Variants in PCDH15 observed in about 807,000 individuals in gnomAD.
The protein encoded by PCDH15 is protocadherin-15.
A neutral mutation model predicts 178.5 loss-of-function variants in PCDH15; 129 were observed. The ratio of observed to expected loss-of-function variants is 0.72; its 90% CI spans 0.63 to 0.84. The LOEUF is 0.84. Ranked by LOEUF, PCDH15 falls within the 40% of genes least tolerant of loss-of-function variation. PCDH15 has a pLI of 0.00. For synonymous variants in PCDH15, 800 were observed against 732.0 expected, an observed-to-expected ratio of 1.09 and a Z score of -1.50; for missense variants, 2,230 against 2,099.9, an observed-to-expected ratio of 1.06 and a Z score of -1.21.
intron 2 of PCDH15, among the ~76,000 whole-genome samples, chr10:55,389,311 A>T (rs867268352): frequency 2.0e-5 from 3 of 152,000 alleles, no homozygotes; most frequent in Non-Finnish European, 4.4e-5. Flanking sequence ...ACTCTGTTAG[A>T]CAAGCCAGTG....
chr10:53,881,105 TA>T (rs1460419465), intron 26 of PCDH15, among the ~76,000 whole-genome samples: 6 of 152,226 alleles, frequency 3.9e-5, no homozygotes, highest in Admixed American at 3.3e-4. Flanking sequence ...AGTACCAACT[TA>T]CAAGTTTGCT....
chr10:55,586,065 C>T (rs1328973057), intron 2 of PCDH15, among the ~76,000 whole-genome samples: 2 of 151,982 alleles, frequency 1.3e-5, no homozygotes, highest in Non-Finnish European at 2.9e-5. Context: ...TAGTAATACT[C>T]AAATTTGACA....
chr10:54,609,875 T>C, intron 2 of PCDH15, among the ~76,000 whole-genome samples: 1 of 152,062 alleles, frequency 6.6e-6, no homozygotes, highest in East Asian at 1.9e-4. Flanking sequence ...ATACATTAGA[T>C]AGCTAAATAT....
At chr10:55,380,969 T>C (rs1346312153) in intron 2 of PCDH15, among the ~76,000 whole-genome samples, 2 of 152,136 alleles carry the variant, frequency 1.3e-5, no homozygotes, top group Non-Finnish European at 2.9e-5. Flanking sequence ...AAGAGCCTCT[T>C]TGGGATAAGG....
intron 21 of PCDH15, among the ~76,000 whole-genome samples, chr10:53,964,057 G>T (rs934302056): frequency 6.6e-6 from 1 of 152,068 alleles, no homozygotes; most frequent in East Asian, 1.9e-4. Flanking sequence ...CTGCCTCCTT[G>T]GCTTTGCCAA....
At chr10:54,438,138 C>T (rs2075546126) in intron 3 of PCDH15, among the ~76,000 whole-genome samples, 3 of 152,012 alleles carry the variant, frequency 2.0e-5, no homozygotes, top group Non-Finnish European at 4.4e-5. Context: ...TCACCTAGCT[C>T]AGAATTGATA....
chr10:55,071,922 T>G (rs557313580), intron 2 of PCDH15, among the ~76,000 whole-genome samples: 6 of 152,146 alleles, frequency 3.9e-5, no homozygotes, highest in African/African-American at 1.4e-4. Flanking sequence ...GCAATCAAAC[T>G]AGAACTCAGG....
chr10:54,570,887 T>C (rs1432703677), intron 2 of PCDH15, among the ~76,000 whole-genome samples: 1 of 151,314 alleles, frequency 6.6e-6, no homozygotes, highest in Non-Finnish European at 1.5e-5. Context: ...AGGCTGGTCT[T>C]GAGCTCCTGG....
chr10:54,264,188 G>T (rs564044512), intron 8 of PCDH15, among the ~76,000 whole-genome samples: 13 of 152,226 alleles, frequency 8.5e-5, no homozygotes, highest in African/African-American at 3.1e-4. Flanking sequence ...GTGTGAGTCA[G>T]TGATCCTTAA....
At chr10:55,351,803 T>C (rs1334547541) in intron 2 of PCDH15, among the ~76,000 whole-genome samples, 1 of 152,180 alleles carries the variant, frequency 6.6e-6, no homozygotes, top group East Asian at 1.9e-4. Context: ...TGCTTTCATA[T>C]GTAATTTAAT....
chr10:54,542,687 T>G (rs920033763), intron 2 of PCDH15, among the ~76,000 whole-genome samples: 1 of 152,130 alleles, frequency 6.6e-6, no homozygotes, highest in Non-Finnish European at 1.5e-5. Context: ...CAAATGAACC[T>G]ATGTTCTTTT....
chr10:53,918,645 TCAAA>T (rs1322107324), intron 25 of PCDH15, among the ~76,000 whole-genome samples: 2 of 152,036 alleles, frequency 1.3e-5, no homozygotes, highest in African/African-American at 4.8e-5. Context: ...AAAATGCCTT[TCAAA>T]CAATGTGCTA....
chr10:55,309,085 T>C (rs1843508539), intron 1 of PCDH15, among the ~76,000 whole-genome samples: 1 of 152,218 alleles, frequency 6.6e-6, no homozygotes, highest in East Asian at 1.9e-4. Flanking sequence ...CTCAGACATA[T>C]TTCACCTTTC....
At chr10:54,045,635 T>C (rs2093639817) in intron 18 of PCDH15, among the ~76,000 whole-genome samples, 1 of 151,992 alleles carries the variant, frequency 6.6e-6, no homozygotes, top group Non-Finnish European at 1.5e-5. Flanking sequence ...TGCGAGTCAG[T>C]GGGAAATATA....
intron 1 of PCDH15, among the ~76,000 whole-genome samples, chr10:54,766,422 G>A (rs1165355896): frequency 2.0e-5 from 3 of 151,638 alleles, no homozygotes; most frequent in East Asian, 1.9e-4. Flanking sequence ...TTATATCAAC[G>A]CTTAATTACC....
At chr10:55,538,969 TTCC>T (rs1564442902) in intron 2 of PCDH15, among the ~76,000 whole-genome samples, 2,428 of 7,300 alleles carry the variant, frequency 0.33, 664 homozygotes, top group South Asian at 0.52. Flanking sequence ...CCTTCCTTCC[TTCC>T]TCCTTTCCTT....
intron 2 of PCDH15, among the ~76,000 whole-genome samples, chr10:55,020,915 CTATCT>C (rs1840311595): frequency 6.6e-6 from 1 of 152,170 alleles, no homozygotes; most frequent in Admixed American, 6.5e-5. Flanking sequence ...GCCCTATTAT[CTATCT>C]TATCTTACGC....
intron 2 of PCDH15, among the ~76,000 whole-genome samples, chr10:55,414,608 A>C (rs554742940): frequency 6.6e-6 from 1 of 151,694 alleles, no homozygotes. Flanking sequence ...CCTTTGTTAA[A>C]TGTATTAATA....
intron 2 of PCDH15, among the ~76,000 whole-genome samples, chr10:54,538,472 T>C (rs1031650005): frequency 2.0e-5 from 3 of 152,186 alleles, no homozygotes; most frequent in African/African-American, 7.2e-5. Context: ...GGTCTATGTG[T>C]CTATTTTGTA....
Sources: allele counts gnomAD v4.1 joint callset (sites outside exome capture counted in the v4.1 genomes callset), GRCh38; gene constraint gnomAD v4.1.1; transcripts MANE v1.5; gene names NCBI Gene and HGNC (gene_info 2026-07-23, HGNC 2026-07-21).